EML1: variants seen among roughly 807,000 people sequenced by gnomAD.
The protein encoded by EML1 is EMAP like 1, also known as echinoderm microtubule-associated protein-like 1.
A neutral mutation model predicts 110.4 loss-of-function variants in EML1; 27 were observed. That is an observed-to-expected ratio of 0.24 (90% confidence interval 0.18 to 0.34). The LOEUF is 0.34. Ranked by LOEUF, EML1 falls within the 10% of genes least tolerant of loss-of-function variation. The probability of loss-of-function intolerance (pLI) is 1.00; values close to 1 mark genes in which losing one functional copy is unlikely to be tolerated. For missense variants in EML1, 741 were observed against 1,030.9 expected (o/e 0.72, Z 3.85); for synonymous variants, 344 against 385.8 (o/e 0.89, Z 1.27).
intron 1 of EML1, among the ~76,000 whole-genome samples, chr14:99,832,808 GTGGCT>G (rs2058480879): frequency 6.6e-6 from 1 of 152,146 alleles, no homozygotes. Flanking sequence ...CTCTTGTTCT[GTGGCT>G]TATCTTTTCA....
At chr14:99,818,157 G>A (rs1302176340) in intron 1 of EML1, among the ~76,000 whole-genome samples, 1 of 152,052 alleles carries the variant, frequency 6.6e-6, no homozygotes, top group Non-Finnish European at 1.5e-5. Context: ...AGTATCTGGA[G>A]GCCAGATCCC....
intron 1 of EML1, among the ~76,000 whole-genome samples, chr14:99,823,402 C>A (rs1455974225): frequency 6.6e-6 from 1 of 151,992 alleles, no homozygotes; most frequent in African/African-American, 2.4e-5. Context: ...AGGAGGGTCA[C>A]CAGGCTTAGT....
intron 10 of EML1, 50 bp from the exon 11 acceptor site, chr14:99,909,295 T>C: frequency 1.2e-6 from 2 of 1,613,746 alleles, no homozygotes; most frequent in Non-Finnish European, 1.7e-6. Flanking sequence ...TACATGTCTC[T>C]TACGCGTCTT....
rs115250321 is a variant in EML1, at chr14:99,809,214, C to T, written c.67+15671C>T. Among the ~76,000 whole-genome samples, 1,401 of 152,204 alleles carry T rather than the reference C, an allele frequency of 9.2e-3. 19 individuals carry two copies. Among genetic ancestry groups the T allele is most frequent in the African/African-American group, 0.032 (1,345 of 41,516 alleles). On this transcript the variant is annotated intron_variant, in intron 1 of 21. Transcript: ENST00000262233. ...ATTGTTATGCCCTGCTTTAAGAAACCCCGACATTCTGTAACATTTTCTGAA... is the reference window on the plus strand; with the variant it reads ...ATTGTTATGCCCTGCTTTAAGAAACTCCGACATTCTGTAACATTTTCTGAA...
intron 2 of EML1, among the ~76,000 whole-genome samples, chr14:99,858,821 G>A (rs896217751): frequency 2.5e-4 from 38 of 152,140 alleles, no homozygotes; most frequent in African/African-American, 9.2e-4. Flanking sequence ...TTTAAATTTT[G>A]AAATGGATAA....
At chr14:99,811,804 A>G (rs1487215003) in intron 1 of EML1, among the ~76,000 whole-genome samples, 1 of 135,788 alleles carries the variant, frequency 7.4e-6, no homozygotes, top group Non-Finnish European at 1.7e-5. Flanking sequence ...GAATGAGACT[A>G]TGTCTCAAAA....
At chr14:99,868,807 T>C (rs1032074866) in intron 3 of EML1, among the ~76,000 whole-genome samples, 1 of 152,184 alleles carries the variant, frequency 6.6e-6, no homozygotes, top group Admixed American at 6.5e-5. Context: ...CTCCACTTCA[T>C]TTATCTCTGC....
chr14:99,890,317 T>C (rs1483869986), intron 4 of EML1, among the ~76,000 whole-genome samples: 1 of 151,904 alleles, frequency 6.6e-6, no homozygotes, highest in Admixed American at 6.5e-5. Flanking sequence ...AACTTTGGAG[T>C]CAAAGTTGAG....
At chr14:99,877,492 C>T (rs147506556) in intron 3 of EML1, among the ~76,000 whole-genome samples, 1,650 of 152,268 alleles carry the variant, frequency 0.011, 37 homozygotes, top group African/African-American at 0.037. Context: ...TGTGTCATAA[C>T]AACACATTCA....
At chr14:99,883,688 T>G (rs1357543097) in intron 4 of EML1, 6 of 152,230 alleles carry the variant, frequency 3.9e-5, no homozygotes, top group African/African-American at 1.4e-4. Flanking sequence ...AATTTTGACA[T>G]AAATGCCATT....
At chr14:99,859,128 T>G (rs4905906) in intron 2 of EML1, among the ~76,000 whole-genome samples, 102,041 of 152,002 alleles carry the variant, frequency 0.67, 34,323 homozygotes, top group Non-Finnish European at 0.68. Context: ...TGAAGTCTGG[T>G]TATTCTAATT....
At chr14:99,893,486 A>AAG in intron 5 of EML1, among the ~76,000 whole-genome samples, 1 of 152,340 alleles carries the variant, frequency 6.6e-6, no homozygotes, top group Middle Eastern at 3.4e-3. Context: ...ACGCAGTGTG[A>AAG]AGAGTGTGTC....
At chr14:99,885,950 G>A (rs898157473) in intron 4 of EML1, 6 of 452,328 alleles carry the variant, frequency 1.3e-5, no homozygotes, top group Non-Finnish European at 2.7e-5. Context: ...CTCAAAATCT[G>A]TGCTCCTTCC....
chr14:99,884,429 G>A (rs1378226083), intron 4 of EML1, among the ~76,000 whole-genome samples: 4 of 152,204 alleles, frequency 2.6e-5, no homozygotes, highest in Non-Finnish European at 4.4e-5. Context: ...GCATGGCAGG[G>A]AGTGGGAAGG....
intron 2 of EML1, among the ~76,000 whole-genome samples, chr14:99,858,474 C>T (rs192910878): frequency 1.1e-4 from 16 of 152,208 alleles, no homozygotes; most frequent in African/African-American, 3.1e-4. Context: ...CGTGAGCCAC[C>T]GCACCCAGCC....
chr14:99,831,592 C>T (rs146037227), intron 1 of EML1, among the ~76,000 whole-genome samples: 1 of 152,270 alleles, frequency 6.6e-6, no homozygotes, highest in African/African-American at 2.4e-5. Flanking sequence ...ATGTGGTATA[C>T]TGGCCTGGAA....
intron 16 of EML1, among the ~76,000 whole-genome samples, chr14:99,918,960 G>A (rs568583012): frequency 1.2e-4 from 18 of 152,292 alleles, no homozygotes; most frequent in African/African-American, 2.6e-4. Flanking sequence ...GTGGGTCTGC[G>A]TTTGCAGCTC....
At position 99,939,229 on chromosome 14, in the gene EML1, A is replaced by T. The variant is rs747925583; in HGVS notation, c.2224A>T (p.Ile742Phe). 1 of 1,614,200 alleles carries T rather than the reference A, an allele frequency of 6.2e-7. No homozygotes were observed. The change falls in exon 21 of 22, where the codon ATC becomes TTC. Residue 742 changes from isoleucine to phenylalanine, a missense_variant. Around this residue, in one of 4 missense-constraint regions of EML1, gnomAD observed 114 missense variants for 122.5 expected, o/e 0.93. Transcript: ENST00000262233. This position sits in a 1 kb window ranked among gnomAD's most constrained non-coding sequence, Gnocchi z 4.2. ...VWPEGSDGTD[I>F]NAVCRAHEKK... is the part of the protein sequence containing the mutation. ...GCCAGAAGGCTCGGACGGAACCGAC[A>T]TCAATGCCGTCTGTCGGGCCCATGA...
At chr14:99,778,421 C>A (rs2057505828) in intron 1 of EML1, among the ~76,000 whole-genome samples, 1 of 152,064 alleles carries the variant, frequency 6.6e-6, no homozygotes, top group African/African-American at 2.4e-5. Flanking sequence ...ATATGTAAAT[C>A]TTTTTCTGAC....
Sources: allele counts gnomAD v4.1 joint callset (sites outside exome capture counted in the v4.1 genomes callset), GRCh38; gene constraint gnomAD v4.1.1; regional missense constraint gnomAD v4.1.1; non-coding constraint Gnocchi (gnomAD v3.1); transcripts MANE v1.5; gene names NCBI Gene and HGNC (gene_info 2026-07-23, HGNC 2026-07-21).